KCNIP3: variants seen among roughly 807,000 people sequenced by gnomAD.
KCNIP3 encodes the protein potassium voltage-gated channel interacting protein 3.
KCNIP3 carries 28 observed loss-of-function variants against 35.0 expected under a neutral mutation model. The ratio of observed to expected loss-of-function variants is 0.80; its 90% CI spans 0.59 to 1.10. The LOEUF (loss-of-function observed/expected upper bound fraction) is 1.10, where lower values mean the gene tolerates loss of function less well. Among genes scored for constraint, KCNIP3 ranks in the 50% least tolerant of loss-of-function variants. KCNIP3 has a pLI of 0.00. For synonymous variants in KCNIP3, 134 were observed against 133.8 expected (o/e 1.00, Z -0.01); for missense variants, 295 against 338.4 (o/e 0.87, Z 1.01).
chr2:95,371,712 G>C (rs1680045902), intron 2 of KCNIP3, among the ~76,000 whole-genome samples: 1 of 151,316 alleles, frequency 6.6e-6, no homozygotes, highest in Admixed American at 6.6e-5. Flanking sequence ...GGTGATGTCT[G>C]TTTTAGATTA....
chr2:95,319,662 C>T (rs1456548488), intron 2 of KCNIP3, among the ~76,000 whole-genome samples: 13 of 152,192 alleles, frequency 8.5e-5, no homozygotes, highest in Non-Finnish European at 1.2e-4. Flanking sequence ...GTGCCTCCTC[C>T]GCTGGGTGGC....
chr2:95,349,958 C>T (rs1679472117), intron 2 of KCNIP3, among the ~76,000 whole-genome samples: 1 of 152,186 alleles, frequency 6.6e-6, no homozygotes, highest in Non-Finnish European at 1.5e-5. Flanking sequence ...GGCTATGGTG[C>T]CTGACACTCC....
chr2:95,347,072 T>G, intron 2 of KCNIP3: 1 of 1,612,014 alleles, frequency 6.2e-7, no homozygotes, highest in Non-Finnish European at 8.5e-7. Flanking sequence ...GTGCTGCTGT[T>G]CATCGCCGTC....
intron 2 of KCNIP3, among the ~76,000 whole-genome samples, chr2:95,324,476 G>T (rs1678677940): frequency 6.6e-6 from 1 of 151,832 alleles, no homozygotes; most frequent in Admixed American, 6.6e-5. Context: ...TTGCGCCACT[G>T]CACTCCAGCT....
intron 2 of KCNIP3, among the ~76,000 whole-genome samples, chr2:95,333,243 G>A (rs1262820984): frequency 6.6e-6 from 1 of 152,248 alleles, no homozygotes; most frequent in Non-Finnish European, 1.5e-5. Flanking sequence ...TGCACCTCTA[G>A]AGTGTAAGCT....
Position 95,316,493 on chromosome 2 carries a change from T to C in KCNIP3, c.181+5973T>C, listed in dbSNP as rs141697809. 4.6e-5 allele frequency among the ~76,000 whole-genome samples: 7 copies of C among 152,302 alleles called. No homozygotes were observed. In the East Asian group the frequency reaches 1.4e-3, roughly 29 times the overall value. ...GGGGTGAGGCGGTGGCTGGCACTAG[T>C]TTGGCAGCTGGGGGACGTCAGTGTC... is the stretch of plus-strand genomic sequence containing the variant. On this transcript the variant is annotated intron_variant, in intron 2 of 8. Coordinates refer to ENST00000295225, the MANE Select transcript of KCNIP3 (RefSeq NM_013434.5).
chr2:95,306,093 G>C (rs1270172350), intron 1 of KCNIP3, among the ~76,000 whole-genome samples: 1 of 152,172 alleles, frequency 6.6e-6, no homozygotes, highest in African/African-American at 2.4e-5. Context: ...TGGCTAAGGC[G>C]TTTTCCCTTT....
intron 2 of KCNIP3, among the ~76,000 whole-genome samples, chr2:95,329,643 G>GGGGGGACCCAGGAGCA (rs1553444143): frequency 1.3e-5 from 2 of 152,228 alleles, no homozygotes; most frequent in Non-Finnish European, 1.5e-5. Flanking sequence ...TGCCGGGAGT[G>GGGGGGACCCAGGAGCA]GGGGGACCCG....
chr2:95,308,860 T>A (rs1174559226), intron 1 of KCNIP3, among the ~76,000 whole-genome samples: 4 of 152,166 alleles, frequency 2.6e-5, no homozygotes, highest in Non-Finnish European at 5.9e-5. Context: ...CAGGGCTGCC[T>A]CTGTAGAAGC....
intron 2 of KCNIP3, among the ~76,000 whole-genome samples, chr2:95,323,398 GA>G (rs1678643730): frequency 2.6e-5 from 4 of 152,212 alleles, no homozygotes; most frequent in Admixed American, 2.6e-4. Flanking sequence ...GCTACTCAAG[GA>G]AAAGGCAGAA....
intron 2 of KCNIP3, among the ~76,000 whole-genome samples, chr2:95,348,186 A>G (rs1262845290): frequency 1.3e-5 from 2 of 152,182 alleles, no homozygotes; most frequent in Admixed American, 6.5e-5. Context: ...GCTTGCTCCA[A>G]GTGGTTCAGA....
chr2:95,374,698 G>A, intron 3 of KCNIP3, 150 bp from the exon 4 acceptor site: 1 of 903,846 alleles, frequency 1.1e-6, no homozygotes, highest in Non-Finnish European at 1.7e-6. Flanking sequence ...CTCTACCCAG[G>A]CTTTCCACAA....
At chr2:95,381,750 T>A (rs770888653) in intron 6 of KCNIP3, 47 bp downstream of exon 6, 1 of 1,256,368 alleles carries the variant, frequency 8.0e-7, no homozygotes, top group Non-Finnish European at 1.2e-6. Flanking sequence ...CCCCTCCTGC[T>A]GCTCCACCCC....
intron 2 of KCNIP3, 157 bp downstream of exon 2, chr2:95,310,677 C>T (rs1163762304): frequency 5.8e-5 from 45 of 775,546 alleles, no homozygotes; most frequent in Non-Finnish European, 9.3e-5. Flanking sequence ...TCACACCCTT[C>T]CCCATTCATT....
At chr2:95,368,439 G>C (rs1021632035) in intron 2 of KCNIP3, 2 of 168,546 alleles carry the variant, frequency 1.2e-5, no homozygotes, top group African/African-American at 4.8e-5. Context: ...ATACTGCCGG[G>C]GTGATGGGTG....
chr2:95,365,991 T>G (rs1387169160), intron 2 of KCNIP3, among the ~76,000 whole-genome samples: 1 of 152,138 alleles, frequency 6.6e-6, no homozygotes, highest in Non-Finnish European at 1.5e-5. Context: ...TTTATTTACT[T>G]ACTTAGTTTT....
intron 2 of KCNIP3, chr2:95,346,903 G>A (rs1349673744): frequency 2.1e-6 from 1 of 466,296 alleles, no homozygotes; most frequent in Non-Finnish European, 3.4e-6. Context: ...CCGGGGGCAT[G>A]TGAGCCGTCG....
chr2:95,319,605 C>T (rs1023523797), intron 2 of KCNIP3, among the ~76,000 whole-genome samples: 8 of 152,152 alleles, frequency 5.3e-5, no homozygotes, highest in Non-Finnish European at 7.4e-5. Flanking sequence ...CCCTCCTGCC[C>T]GCCCTTGGCC....
chr2:95,344,978 C>T (rs1228995015), intron 2 of KCNIP3, among the ~76,000 whole-genome samples: 1 of 152,188 alleles, frequency 6.6e-6, no homozygotes, highest in East Asian at 1.9e-4. Context: ...GGCTCTTTAA[C>T]CTTAAAAGCT....
Sources: gnomAD v4.1 joint callset for allele counts (sites outside exome capture counted in the v4.1 genomes callset) on GRCh38, gnomAD v4.1.1 for gene constraint, MANE v1.5 for transcripts, NCBI Gene and HGNC (gene_info 2026-07-23, HGNC 2026-07-21) for gene names.